The following SUSD4 variants were observed in gnomAD, a reference collection of about 807,000 sequenced individuals.
SUSD4 encodes sushi domain containing 4, also known as sushi domain-containing protein 4.
A neutral mutation model predicts 50.5 loss-of-function variants in SUSD4; 41 were observed. That is an observed-to-expected ratio of 0.81 (90% CI 0.63 to 1.05). The LOEUF is 1.05. Among genes scored for constraint, SUSD4 ranks in the 50% least tolerant of loss-of-function variants. The pLI is 0.00. For missense variants in SUSD4, 580 were observed against 634.7 expected (o/e 0.91, Z 0.93); for synonymous variants, 257 against 257.3 (o/e 1.00, Z 0.01).
At chr1:223,236,403 A>G (rs1166778134) in intron 5 of SUSD4, among the ~76,000 whole-genome samples, 2 of 152,198 alleles carry the variant, frequency 1.3e-5, no homozygotes, top group Non-Finnish European at 2.9e-5. Context: ...CCACTGGTGT[A>G]TCTAAAAAGA....
chr1:223,261,842 G>C (rs138958421), intron 5 of SUSD4, among the ~76,000 whole-genome samples: 1 of 152,256 alleles, frequency 6.6e-6, no homozygotes, highest in East Asian at 1.9e-4. Flanking sequence ...CACATACTAT[G>C]GGCTGGGCAC....
chr1:223,243,772 C>T (rs887911588), intron 5 of SUSD4, among the ~76,000 whole-genome samples: 6 of 152,198 alleles, frequency 3.9e-5, no homozygotes, highest in Non-Finnish European at 8.8e-5. Flanking sequence ...GCCTGATGCA[C>T]TAAGTGGAAA....
chr1:223,320,366 T>G (rs1403963552), intron 2 of SUSD4, among the ~76,000 whole-genome samples: 1 of 152,132 alleles, frequency 6.6e-6, no homozygotes, highest in Non-Finnish European at 1.5e-5. Flanking sequence ...GTGCTGTGCC[T>G]GTGAGCTGAA....
chr1:223,258,756 G>A (rs1005857490), intron 5 of SUSD4, among the ~76,000 whole-genome samples: 1 of 152,072 alleles, frequency 6.6e-6, no homozygotes, highest in Non-Finnish European at 1.5e-5. Context: ...CCCTGTTTCG[G>A]AAAAGCAAAC....
chr1:223,278,970 C>T (rs1193221723), intron 3 of SUSD4, among the ~76,000 whole-genome samples: 1 of 152,210 alleles, frequency 6.6e-6, no homozygotes, highest in East Asian at 1.9e-4. Context: ...CTGGAGTAGA[C>T]CTCCAGCTAA....
At chr1:223,349,607 G>C (rs1020848603) in intron 2 of SUSD4, among the ~76,000 whole-genome samples, 1 of 152,156 alleles carries the variant, frequency 6.6e-6, no homozygotes, top group Non-Finnish European at 1.5e-5. Context: ...GCATGAATAG[G>C]TAAGCTAATG....
At chr1:223,224,477 A>T (rs1207202702) in intron 7 of SUSD4, among the ~76,000 whole-genome samples, 12 of 152,192 alleles carry the variant, frequency 7.9e-5, no homozygotes, top group Non-Finnish European at 4.4e-5. Context: ...GTCTAGATTT[A>T]AAAAAAGAAA....
chr1:223,235,956 T>A (rs946845635), intron 5 of SUSD4, among the ~76,000 whole-genome samples: 3 of 152,244 alleles, frequency 2.0e-5, no homozygotes, highest in African/African-American at 7.2e-5. Flanking sequence ...CCAAAGTGGT[T>A]ATATCCCTTT....
chr1:223,321,957 G>T (rs1158014114), intron 2 of SUSD4, among the ~76,000 whole-genome samples: 1 of 152,154 alleles, frequency 6.6e-6, no homozygotes, highest in Non-Finnish European at 1.5e-5. Context: ...TTCAGATTTT[G>T]GAATATTTAC....
At chr1:223,228,744 G>A (rs1047491858) in intron 6 of SUSD4, among the ~76,000 whole-genome samples, 7 of 152,070 alleles carry the variant, frequency 4.6e-5, no homozygotes, top group Non-Finnish European at 1.0e-4. Flanking sequence ...CGTTGCTTGG[G>A]TCCAGGGCAA....
At chr1:223,317,412 T>C (rs1006009246) in intron 2 of SUSD4, among the ~76,000 whole-genome samples, 2 of 152,232 alleles carry the variant, frequency 1.3e-5, no homozygotes, top group Admixed American at 6.5e-5. Flanking sequence ...GCTGTGTCTA[T>C]GGAGTAGCCA....
chr1:223,317,851 C>CTTTTTTTTTTTTTT (rs1172641015), intron 2 of SUSD4, among the ~76,000 whole-genome samples: 21 of 100,722 alleles, frequency 2.1e-4, no homozygotes, highest in South Asian at 3.7e-4. Context: ...TTTTTTTTTT[C>CTTTTTTTTTTTTTT]TTTTTTTTTT....
Position 223,223,553 on chromosome 1 carries a change from G to A in SUSD4, c.1140C>T (p.Asp380=), listed in dbSNP as rs773140857. Reference sequence around the variant, plus strand: ...CACTCAAGCCGCCACTCACAGCTTCGTCATAGGACGGGAGCATGACGGGCA... The same window carrying A: ...CACTCAAGCCGCCACTCACAGCTTCATCATAGGACGGGAGCATGACGGGCA... The part of the protein sequence containing the change: ...DGVPVMLPSY[D]EAVSGGLSAL... The change falls in exon 8 of 9, where the codon GAC becomes GAT. Residue 380 remains aspartate (D), a synonymous_variant. Coordinates refer to ENST00000366878, the MANE Select transcript of SUSD4 (RefSeq NM_017982.4). The A allele has an allele frequency of 1.1e-4, 184 of 1,613,294 alleles. 1 individual carries two copies. The highest frequency in any genetic ancestry group is 1.7e-4 in the Admixed American group (10 of 59,954).
At chr1:223,228,047 G>T (rs893599457) in intron 6 of SUSD4, among the ~76,000 whole-genome samples, 2 of 152,248 alleles carry the variant, frequency 1.3e-5, no homozygotes, top group African/African-American at 4.8e-5. Context: ...GAGAACAGAG[G>T]TGGGCATCTC....
chr1:223,355,147 T>C (rs1455546407), intron 2 of SUSD4, among the ~76,000 whole-genome samples: 2 of 151,302 alleles, frequency 1.3e-5, no homozygotes, highest in Non-Finnish European at 2.9e-5. Context: ...CAATCTCGGC[T>C]CACTGTAATC....
intron 2 of SUSD4, among the ~76,000 whole-genome samples, chr1:223,299,440 G>A (rs78517512): frequency 0.052 from 7,885 of 152,246 alleles, 288 homozygotes; most frequent in East Asian, 0.12. Flanking sequence ...TTTTTGGGGG[G>A]AGTGGGAGGA....
intron 2 of SUSD4, among the ~76,000 whole-genome samples, chr1:223,318,606 C>A (rs1263230813): frequency 6.9e-4 from 98 of 142,942 alleles, no homozygotes; most frequent in South Asian, 5.4e-3. Flanking sequence ...CTCTGATGGC[C>A]AGTGATGATG....
intron 2 of SUSD4, among the ~76,000 whole-genome samples, chr1:223,320,415 G>A (rs752516034): frequency 5.9e-5 from 9 of 151,942 alleles, no homozygotes; most frequent in Admixed American, 1.3e-4. Context: ...GACACTAGGC[G>A]CTCCCTCTGG....
chr1:223,350,081 G>A (rs1668271940), intron 2 of SUSD4, among the ~76,000 whole-genome samples: 1 of 152,188 alleles, frequency 6.6e-6, no homozygotes, highest in African/African-American at 2.4e-5. Flanking sequence ...AACCCAGGAA[G>A]AGAGCCTTCA....
Sources: gnomAD v4.1 joint callset for allele counts (sites outside exome capture counted in the v4.1 genomes callset) on GRCh38, gnomAD v4.1.1 for gene constraint, MANE v1.5 for transcripts, NCBI Gene and HGNC (gene_info 2026-07-23, HGNC 2026-07-21) for gene names.